CPEB4: variants seen among roughly 807,000 people sequenced by gnomAD.
CPEB4 encodes the protein cytoplasmic polyadenylation element binding protein 4, also known as cytoplasmic polyadenylation element-binding protein 4.
In CPEB4, 12 loss-of-function variants were observed where a neutral mutation model predicts 72.5. The observed-to-expected ratio is 0.17, with a 90% CI of 0.11 to 0.27. The LOEUF (loss-of-function observed/expected upper bound fraction) is 0.27, where lower values mean the gene tolerates loss of function less well. Among genes scored for constraint, CPEB4 ranks in the 10% least tolerant of loss-of-function variants. The pLI is 1.00. For synonymous variants in CPEB4, 302 were observed against 326.3 expected, an observed-to-expected ratio of 0.93 and a Z score of 0.80; for missense variants, 614 against 908.5, an observed-to-expected ratio of 0.68 and a Z score of 4.17.
Position 173,950,187 on chromosome 5 carries a change from T to G in CPEB4, c.1665+109T>G. On this transcript the variant is annotated intron_variant, in intron 7 of 9. Coordinates refer to ENST00000265085, the MANE Select transcript of CPEB4 (RefSeq NM_030627.4). This position sits in a 1 kb window ranked among gnomAD's most constrained non-coding sequence, Gnocchi z 5.0. ...GTGTTTGGGGTACTTAATTGACATG[T>G]TTGTAAGCAGACTAAGTAGTCTTGT... 1 of 624,330 alleles carries G rather than the reference T, an allele frequency of 1.6e-6. No homozygotes were observed. The highest frequency in any genetic ancestry group is 2.3e-5 in the South Asian group (1 of 44,004). 38.7% of individuals were successfully genotyped at this position (624,330 alleles called of 1,614,324 possible).
At chr5:173,934,044 G>A (rs759180655) in intron 3 of CPEB4, among the ~76,000 whole-genome samples, 7 of 152,150 alleles carry the variant, frequency 4.6e-5, no homozygotes, top group Admixed American at 2.0e-4. Flanking sequence ...AACTAGCCAG[G>A]TGTGGTGGCA....
intron 3 of CPEB4, among the ~76,000 whole-genome samples, chr5:173,934,075 C>T (rs1469305369): frequency 1.3e-5 from 2 of 152,100 alleles, no homozygotes; most frequent in African/African-American, 2.4e-5. Context: ...GTCCCAACTA[C>T]TTGGGAGGCT....
At chr5:173,934,346 A>C (rs1211901393) in intron 3 of CPEB4, among the ~76,000 whole-genome samples, 1 of 152,202 alleles carries the variant, frequency 6.6e-6, no homozygotes, top group African/African-American at 2.4e-5. Flanking sequence ...TGGTCCATGA[A>C]CTTTAAGAGA....
At chr5:173,901,929 C>T (rs1014282519) in intron 1 of CPEB4, among the ~76,000 whole-genome samples, 4 of 152,110 alleles carry the variant, frequency 2.6e-5, no homozygotes, top group Admixed American at 2.6e-4. Context: ...GAGCTTATCA[C>T]TATCTTGTGG....
At chr5:173,903,404 C>T (rs1756309811) in intron 1 of CPEB4, among the ~76,000 whole-genome samples, 1 of 152,156 alleles carries the variant, frequency 6.6e-6, no homozygotes, top group South Asian at 2.1e-4. Flanking sequence ...TAAAGCACAC[C>T]CCTAAGGATC....
intron 3 of CPEB4, among the ~76,000 whole-genome samples, chr5:173,942,561 C>T (rs561789272): frequency 6.6e-6 from 1 of 152,270 alleles, no homozygotes; most frequent in East Asian, 1.9e-4. Context: ...ATGATTTTCT[C>T]TTATAAGGGA....
intron 5 of CPEB4, among the ~76,000 whole-genome samples, chr5:173,948,616 T>C (rs1360837351): frequency 6.6e-6 from 1 of 152,122 alleles, no homozygotes; most frequent in East Asian, 1.9e-4. Context: ...CAGACCCAGG[T>C]TGAGGGTCAC....
At chr5:173,953,910 T>TGACC (rs1758292559) in intron 9 of CPEB4, among the ~76,000 whole-genome samples, 1 of 152,278 alleles carries the variant, frequency 6.6e-6, no homozygotes, top group South Asian at 2.1e-4. Flanking sequence ...GCCTGTGGAC[T>TGACC]GACCTCCAGT....
At position 173,902,811 on chromosome 5, in the gene CPEB4, G is replaced by A. The variant is rs536917979; in HGVS notation, c.1126-7712G>A. Among the ~76,000 whole-genome samples, 641 of 152,266 alleles carry A rather than the reference G, an allele frequency of 4.2e-3. 3 individuals are homozygous for A. The highest frequency in any genetic ancestry group is 0.013 in the African/African-American group (544 of 41,562). ...CAAACAGCAGTTACTAATATTTTCT[G>A]CTTATTAAAATCTGAGATCATGCTG... On this transcript the variant is annotated intron_variant, in intron 1 of 9. Transcript: ENST00000265085.
intron 8 of CPEB4, 46 bp from the exon 9 acceptor site, chr5:173,953,045 G>T: frequency 2.0e-6 from 3 of 1,502,724 alleles, no homozygotes; most frequent in South Asian, 2.6e-5. Flanking sequence ...TGAGCCAGAT[G>T]AATTTTCCTG....
Position 173,956,372 on chromosome 5 carries a change from T to C in CPEB4, c.*235T>C. The stretch of plus-strand genomic sequence containing the variant: ...ATCGGGTTGCATGGAAGTTTTATTC[T>C]CTTGTTTTGCTGGAAACCAAGAGGA... On this transcript the variant is annotated 3_prime_UTR_variant, in exon 10 of 10. Coordinates refer to ENST00000265085, the MANE Select transcript of CPEB4 (RefSeq NM_030627.4). The C allele has an allele frequency of 2.3e-6, 1 of 429,534 alleles. No homozygotes were observed. The highest frequency in any genetic ancestry group is 4.1e-6 in the Non-Finnish European group (1 of 241,722). The allele number at this position is 429,534 out of a possible 1,614,324, so 26.6% of individuals were successfully genotyped here.
intron 6 of CPEB4, 39 bp downstream of exon 6, chr5:173,949,636 T>A: frequency 7.3e-7 from 1 of 1,363,492 alleles, no homozygotes; most frequent in Non-Finnish European, 1.0e-6. Flanking sequence ...TAATTTATTC[T>A]TACATTGTTT....
intron 3 of CPEB4, among the ~76,000 whole-genome samples, chr5:173,934,441 T>C (rs908541937): frequency 2.6e-5 from 4 of 152,152 alleles, no homozygotes; most frequent in East Asian, 3.9e-4. Context: ...TGCCTCAAAC[T>C]GAAAGACATG....
Position 173,900,278 on chromosome 5 carries a change from G to A in CPEB4, c.1125+9420G>A, listed in dbSNP as rs908200650. 1.3e-5 allele frequency among the ~76,000 whole-genome samples: 2 copies of A among 152,032 alleles called. No homozygotes were observed. Among genetic ancestry groups the A allele is most frequent in the African/African-American group, 2.4e-5 (1 of 41,386 alleles). On this transcript the variant is annotated intron_variant, in intron 1 of 9. Coordinates refer to ENST00000265085, the MANE Select transcript of CPEB4 (RefSeq NM_030627.4). This position sits in a 1 kb window ranked among gnomAD's most constrained non-coding sequence, Gnocchi z 4.4. ...AAATTAGCCTGGTGTGGTGGCGGGC[G>A]CCTGTAGTCCCAGCTATTCTGGAGG... is the stretch of plus-strand genomic sequence containing the variant.
In CPEB4 at chr5:173,938,318, C is replaced by T. The variant is rs369749433; in HGVS notation, c.1259-4708C>T. ...TCAGCTCACTGCAATCTTTACCTCCCGGGTTGAAGCAATTCTCCTGCCTTA... is the reference window on the plus strand; with the variant it reads ...TCAGCTCACTGCAATCTTTACCTCCTGGGTTGAAGCAATTCTCCTGCCTTA... On this transcript the variant is annotated intron_variant, in intron 3 of 9. Coordinates refer to ENST00000265085, the MANE Select transcript of CPEB4 (RefSeq NM_030627.4). Among the ~76,000 whole-genome samples the T allele has an allele frequency of 9.9e-5, 15 of 152,202 alleles. No individual in the cohort carries two copies. The South Asian group carries it at 1.2e-3, about 13-fold the overall frequency.
In CPEB4 at chr5:173,916,296, A is replaced by G. The variant is rs10475597; in HGVS notation, c.1207+5692A>G. Among the ~76,000 whole-genome samples the G allele has an allele frequency of 9.7e-3, 1,477 of 152,344 alleles. 22 individuals carry two copies. Among genetic ancestry groups the G allele is most frequent in the African/African-American group, 0.032 (1,347 of 41,574 alleles). On this transcript the variant is annotated intron_variant, in intron 2 of 9. Transcript: ENST00000265085. ...TTCAGATTTTTGAAAGAAAGGCTCA[A>G]CATATCCACCACAATTCCTCTGAGT...
chr5:173,951,147 G>A (rs1020637083), intron 7 of CPEB4, among the ~76,000 whole-genome samples: 2 of 152,088 alleles, frequency 1.3e-5, no homozygotes, highest in Non-Finnish European at 2.9e-5. Flanking sequence ...TTGAATTTGG[G>A]ACCTCTGACC....
intron 5 of CPEB4, among the ~76,000 whole-genome samples, chr5:173,949,192 C>T (rs2062349): frequency 0.65 from 98,832 of 151,994 alleles, 32,993 homozygotes; most frequent in Non-Finnish European, 0.73. Context: ...GGGAGTGACC[C>T]TGCTTTGAGC....
In CPEB4 at chr5:173,903,142, A is replaced by T. The variant is rs146968996; in HGVS notation, c.1126-7381A>T. 1.2e-3 allele frequency among the ~76,000 whole-genome samples: 176 copies of T among 151,992 alleles called. 1 individual carries two copies. The highest frequency in any genetic ancestry group is 4.1e-3 in the African/African-American group (172 of 41,492). On this transcript the variant is annotated intron_variant, in intron 1 of 9. Coordinates refer to ENST00000265085, the MANE Select transcript of CPEB4 (RefSeq NM_030627.4). ...AGTATTTTATTGTGAAAATTCAAGC[A>T]CCAAATTTGTATTTTGTTTGTTCTT...
Sources: allele counts gnomAD v4.1 joint callset (sites outside exome capture counted in the v4.1 genomes callset), GRCh38; gene constraint gnomAD v4.1.1; non-coding constraint Gnocchi (gnomAD v3.1); transcripts MANE v1.5; gene names NCBI Gene and HGNC (gene_info 2026-07-23, HGNC 2026-07-21).